Variants in ZNF385B observed in about 807,000 individuals in gnomAD.
The protein encoded by ZNF385B is zinc finger protein 533.
ZNF385B carries 23 observed loss-of-function variants against 39.2 expected under a neutral mutation model. The ratio of observed to expected loss-of-function variants is 0.59; its 90% CI spans 0.42 to 0.83. ZNF385B has a LOEUF of 0.83. ZNF385B is among the 40% of genes least tolerant of loss of function. The pLI is 0.00. For synonymous variants in ZNF385B, 205 were observed against 222.6 expected, an observed-to-expected ratio of 0.92 and a Z score of 0.70; for missense variants, 552 against 598.9, an observed-to-expected ratio of 0.92 and a Z score of 0.82.
intron 3 of ZNF385B, among the ~76,000 whole-genome samples, chr2:179,757,185 A>G (rs1703083649): frequency 6.6e-6 from 1 of 152,224 alleles, no homozygotes; most frequent in Non-Finnish European, 1.5e-5. Flanking sequence ...TCTAACAGTC[A>G]GGACCCTCAG....
At chr2:179,484,583 A>G (rs925062318) in intron 5 of ZNF385B, among the ~76,000 whole-genome samples, 3 of 138,548 alleles carry the variant, frequency 2.2e-5, no homozygotes, top group Non-Finnish European at 4.8e-5. Flanking sequence ...AATACAGGTG[A>G]TAAGTGTGTG....
chr2:179,797,790 A>T (rs1014417750), intron 1 of ZNF385B, among the ~76,000 whole-genome samples: 1 of 152,134 alleles, frequency 6.6e-6, no homozygotes, highest in African/African-American at 2.4e-5. Flanking sequence ...AAGTTATGGG[A>T]CTTCATCAGG....
At chr2:179,511,773 G>C (rs955684862) in intron 5 of ZNF385B, among the ~76,000 whole-genome samples, 1 of 152,142 alleles carries the variant, frequency 6.6e-6, no homozygotes, top group Non-Finnish European at 1.5e-5. Context: ...GAAATGGCAT[G>C]AGGTTGTCAC....
chr2:179,448,748 C>T (rs2049774045), intron 6 of ZNF385B, among the ~76,000 whole-genome samples: 1 of 152,092 alleles, frequency 6.6e-6, no homozygotes, highest in Non-Finnish European at 1.5e-5. Context: ...TTTTCTCTAA[C>T]TGATCAGTCT....
chr2:179,479,880 A>G (rs2053813259), intron 6 of ZNF385B, among the ~76,000 whole-genome samples: 1 of 152,114 alleles, frequency 6.6e-6, no homozygotes, highest in South Asian at 2.1e-4. Flanking sequence ...TCTGTGGGTC[A>G]CAAGTTTCTT....
chr2:179,685,726 C>T (rs1224266085), intron 3 of ZNF385B, among the ~76,000 whole-genome samples: 5 of 152,136 alleles, frequency 3.3e-5, no homozygotes, highest in African/African-American at 1.2e-4. Flanking sequence ...TCAGTTCCCA[C>T]TTCTCATTTG....
At chr2:179,807,378 ACC>A (rs1353120129) in intron 1 of ZNF385B, among the ~76,000 whole-genome samples, 2 of 151,926 alleles carry the variant, frequency 1.3e-5, no homozygotes, top group African/African-American at 2.4e-5. Flanking sequence ...TGGGCAGATC[ACC>A]TGAGGTCAAG....
At chr2:179,661,982 G>T (rs1017904521) in intron 3 of ZNF385B, among the ~76,000 whole-genome samples, 3 of 152,196 alleles carry the variant, frequency 2.0e-5, no homozygotes, top group African/African-American at 7.2e-5. Flanking sequence ...TGGCATTAAA[G>T]TCACTTTTTA....
chr2:179,483,471 A>C, intron 5 of ZNF385B, 37 bp from the exon 6 acceptor site: 1 of 1,612,130 alleles, frequency 6.2e-7, no homozygotes, highest in Non-Finnish European at 8.5e-7. Context: ...TTTTTTTGCT[A>C]ATTACAAACA....
At chr2:179,850,090 G>T (rs951280677) in intron 1 of ZNF385B, among the ~76,000 whole-genome samples, 2 of 152,198 alleles carry the variant, frequency 1.3e-5, no homozygotes, top group Admixed American at 1.3e-4. Context: ...TTTAATAAGT[G>T]CAGTGTGCTC....
At position 179,446,711 on chromosome 2, in the gene ZNF385B, A is replaced by G. The variant is rs759868401; in HGVS notation, c.775T>C (p.Ser259Pro). Residue 259 changes from serine (S) to proline (P), a missense_variant, in exon 7 of 10, where the codon TCA becomes CCA. Physicochemically the swap from Ser to Pro is moderately conservative, Grantham distance 74 (BLOSUM62 -1). Coordinates refer to ENST00000410066, the MANE Select transcript of ZNF385B (RefSeq NM_152520.6). ...GTTGTGCCAGATTTGAGGAGAAATG[A>G]GCCACTTTCAGAGCTTGATGGCTGA... The part of the protein sequence containing the change: ...SSQPSSSESG[S>P]FLLKSGTTPL... 2.5e-6 allele frequency: 4 copies of G among 1,614,112 alleles called. No individual in the cohort carries two copies. Among genetic ancestry groups the G allele is most frequent in the Middle Eastern group, 3.3e-4 (2 of 6,060 alleles).
At chr2:179,449,130 G>A (rs2049814818) in intron 6 of ZNF385B, among the ~76,000 whole-genome samples, 1 of 152,004 alleles carries the variant, frequency 6.6e-6, no homozygotes, top group South Asian at 2.1e-4. Context: ...AAGTAAGTAT[G>A]GACTATAAGA....
intron 3 of ZNF385B, among the ~76,000 whole-genome samples, chr2:179,764,088 C>G (rs1451649499): frequency 6.6e-6 from 1 of 152,090 alleles, no homozygotes; most frequent in Non-Finnish European, 1.5e-5. Context: ...TTATCCATTT[C>G]TTTTTTCTGC....
At position 179,861,316 on chromosome 2, in the gene ZNF385B, G is replaced by T. The variant is rs1443075480; in HGVS notation, c.-370C>A. The T allele has an allele frequency of 1.3e-5, 2 of 153,758 alleles. No homozygotes were observed. The highest frequency in any genetic ancestry group is 1.8e-4 in the South Asian group (1 of 5,406). 9.5% of individuals were successfully genotyped at this position (153,758 alleles called of 1,614,324 possible). A position where few individuals can be genotyped will look rare whatever the true frequency, so the allele number is the denominator to read the frequency against. ...GACAGCTCGGCCCGGCGCGGCCCCTGAACTGTCCAACTCTTGCCCGCGCCG... is the reference window on the plus strand; with the variant it reads ...GACAGCTCGGCCCGGCGCGGCCCCTTAACTGTCCAACTCTTGCCCGCGCCG... On this transcript the variant is annotated 5_prime_UTR_variant, in exon 1 of 10. Transcript: ENST00000410066.
intron 1 of ZNF385B, among the ~76,000 whole-genome samples, chr2:179,842,871 G>A (rs1268973664): frequency 6.6e-6 from 1 of 152,124 alleles, no homozygotes; most frequent in Admixed American, 6.5e-5. Flanking sequence ...AAACATGCTT[G>A]GATTTGCATT....
At chr2:179,493,540 T>C (rs1338323413) in intron 5 of ZNF385B, among the ~76,000 whole-genome samples, 4 of 150,892 alleles carry the variant, frequency 2.7e-5, no homozygotes, top group African/African-American at 4.9e-5. Context: ...TATATGCGTA[T>C]ACATACGTGT....
At chr2:179,570,743 A>G (rs1204167019) in intron 3 of ZNF385B, among the ~76,000 whole-genome samples, 1 of 152,144 alleles carries the variant, frequency 6.6e-6, no homozygotes, top group East Asian at 1.9e-4. Flanking sequence ...GGGCTTCTTA[A>G]ATTAGGATCC....
intron 1 of ZNF385B, among the ~76,000 whole-genome samples, chr2:179,815,872 CATCT>C (rs1707033390): frequency 1.3e-5 from 2 of 152,164 alleles, no homozygotes; most frequent in Admixed American, 1.3e-4. Flanking sequence ...GGTACCTTTT[CATCT>C]ATCTGATTAT....
intron 6 of ZNF385B, among the ~76,000 whole-genome samples, chr2:179,449,271 T>G (rs1217911040): frequency 6.6e-6 from 1 of 152,092 alleles, no homozygotes; most frequent in Non-Finnish European, 1.5e-5. Context: ...GAGACATTTT[T>G]CATTAAAGAA....
Sources: gnomAD v4.1 joint callset for allele counts (sites outside exome capture counted in the v4.1 genomes callset) on GRCh38, gnomAD v4.1.1 for gene constraint, MANE v1.5 for transcripts, NCBI Gene and HGNC (gene_info 2026-07-23, HGNC 2026-07-21) for gene names.